The following SPTBN1 variants were observed in gnomAD, a reference collection of about 807,000 sequenced individuals.
The protein encoded by SPTBN1 is spectrin beta, non-erythrocytic 1.
In SPTBN1, 32 loss-of-function variants were observed where a neutral mutation model predicts 266.4. The ratio of observed to expected loss-of-function variants is 0.12; its 90% confidence interval spans 0.09 to 0.16. The LOEUF (loss-of-function observed/expected upper bound fraction) is 0.16, where lower values mean the gene tolerates loss of function less well. SPTBN1 is among the 10% of genes least tolerant of loss of function. The probability of loss-of-function intolerance (pLI) is 1.00; values close to 1 mark genes in which losing one functional copy is unlikely to be tolerated. For synonymous variants in SPTBN1, 1,336 were observed against 1,162.2 expected (o/e 1.15, Z -3.04); for missense variants, 2,296 against 3,067.1 (o/e 0.75, Z 5.94).
chr2:54,619,759 C>T (rs746013411), intron 7 of SPTBN1, among the ~76,000 whole-genome samples: 7 of 152,124 alleles, frequency 4.6e-5, no homozygotes, highest in African/African-American at 9.7e-5. Flanking sequence ...CACACTTTGA[C>T]GGGCTGAGCG....
intron 2 of SPTBN1, among the ~76,000 whole-genome samples, chr2:54,584,399 A>C (rs1675145314): frequency 1.3e-5 from 2 of 152,254 alleles, no homozygotes; most frequent in South Asian, 4.1e-4. Flanking sequence ...TATTTCTAGA[A>C]AACAAATATC....
chr2:54,492,952 C>T (rs1200791304), intron 1 of SPTBN1, among the ~76,000 whole-genome samples: 4 of 151,142 alleles, frequency 2.6e-5, no homozygotes. Context: ...CAGTGTCCAT[C>T]AGAAAATCTA....
chr2:54,471,368 G>C (rs1015918029), intron 1 of SPTBN1, among the ~76,000 whole-genome samples: 31 of 152,160 alleles, frequency 2.0e-4, no homozygotes, highest in Non-Finnish European at 8.8e-5. Context: ...TGGGCAGTAA[G>C]GCATGACATT....
chr2:54,576,074 A>ATTTTTTTTTTTTTTTTTTTTTTT lies in SPTBN1; in HGVS notation c.149-23018_149-23017insTTTTTTTTTTTTTTTTTTTTTTT, dbSNP rs1209132160. 1.1e-3 allele frequency among the ~76,000 whole-genome samples: 107 copies of ATTTTTTTTTTTTTTTTTTTTTTT among 93,840 alleles called. 18 individuals carry two copies. Among genetic ancestry groups the ATTTTTTTTTTTTTTTTTTTTTTT allele is most frequent in the African/African-American group, 2.3e-3 (57 of 24,756 alleles). 61.6% of individuals were successfully genotyped at this position (93,840 alleles called of 152,430 possible). ...ATCCAGCTTTTTTTTTTTTTTTTTG[A>ATTTTTTTTTTTTTTTTTTTTTTT]GAGACAGTCTGGCTGTGTCTCCCAG... On this transcript the variant is annotated intron_variant, in intron 2 of 35. Coordinates refer to ENST00000356805, the MANE Select transcript of SPTBN1 (RefSeq NM_003128.3).
rs766249399 is a variant in SPTBN1 at position 54,664,489 on chromosome 2, G to A, written c.6457G>A (p.Gly2153Ser). The A allele has an allele frequency of 6.2e-7, 1 of 1,613,842 alleles. No homozygotes were observed. The highest frequency in any genetic ancestry group is 8.5e-7 in the Non-Finnish European group (1 of 1,179,800). The change falls in exon 33 of 36, where the codon GGC (glycine) becomes AGC (serine). Residue 2153 changes from glycine (G) to serine (S), a missense_variant. Around this residue, in one of 12 missense-constraint regions of SPTBN1, gnomAD observed 347 missense variants for 368.5 expected, o/e 0.94. Coordinates refer to ENST00000356805, the MANE Select transcript of SPTBN1 (RefSeq NM_003128.3). This position sits in a 1 kb window ranked among gnomAD's most constrained non-coding sequence, Gnocchi z 5.6. ...ETVDTSEMVN[G>S]ATEQRTSSKE... ...GGTGGACACAAGCGAAATGGTCAAC[G>A]GCGCTACAGAACAAAGGACGAGCTC...
Position 54,646,553 on chromosome 2 carries a change from CTG to C in SPTBN1, c.4866+80_4866+81del. On this transcript the variant is annotated intron_variant, in intron 23 of 35. Transcript: ENST00000356805. This position sits in a 1 kb window ranked among gnomAD's most constrained non-coding sequence, Gnocchi z 4.4. ...CTGGGCACACTTTCTGCTGGCGGCTCTGTCTGTATAAAAACTTCCCTTGTAGC... is the reference window on the plus strand; with the variant it reads ...CTGGGCACACTTTCTGCTGGCGGCTCTCTGTATAAAAACTTCCCTTGTAGC... 7.1e-7 allele frequency: 1 copy of C among 1,416,546 alleles called. No homozygotes were observed. The highest frequency in any genetic ancestry group is 9.2e-7 in the Non-Finnish European group (1 of 1,084,072). 87.7% of individuals were successfully genotyped at this position (1,416,546 alleles called of 1,614,324 possible). A position where few individuals can be genotyped will look rare whatever the true frequency, so the allele number is the denominator to read the frequency against.
chr2:54,597,606 C>T (rs996212165), intron 2 of SPTBN1, among the ~76,000 whole-genome samples: 11 of 152,292 alleles, frequency 7.2e-5, no homozygotes, highest in Non-Finnish European at 1.2e-4. Context: ...AGCTGATTCT[C>T]CTGCCAGGTC....
intron 2 of SPTBN1, chr2:54,529,707 G>A: frequency 1.4e-6 from 1 of 715,778 alleles, no homozygotes; most frequent in Non-Finnish European, 2.6e-6. Flanking sequence ...GACATTGATG[G>A]GGCCAAGGTC....
chr2:54,641,121 G>T (rs1679521090), intron 18 of SPTBN1, among the ~76,000 whole-genome samples: 1 of 152,174 alleles, frequency 6.6e-6, no homozygotes, highest in South Asian at 2.1e-4. Flanking sequence ...ATTCTTAAAT[G>T]ACCTTTGTAA....
rs12615914 is a variant in SPTBN1 at position 54,459,899 on chromosome 2, C to G, written c.-48+3381C>G. On this transcript the variant is annotated intron_variant, in intron 1 of 35. Transcript: ENST00000356805. ...GACCTAGTTTAGTACTCTGATTTTT[C>G]CGGTAGCACTTGTAATTATATTTAA... Among the ~76,000 whole-genome samples the G allele has an allele frequency of 2.3e-3, 348 of 152,202 alleles. 1 individual carries two copies. Among genetic ancestry groups the G allele is most frequent in the Admixed American group, 3.9e-3 (59 of 15,270 alleles).
chr2:54,591,633 G>A (rs536741609), intron 2 of SPTBN1, among the ~76,000 whole-genome samples: 1 of 152,066 alleles, frequency 6.6e-6, no homozygotes, highest in South Asian at 2.1e-4. Context: ...TTTTCCATCC[G>A]GAGATGTTCC....
intron 1 of SPTBN1, among the ~76,000 whole-genome samples, chr2:54,467,678 C>A (rs1311107456): frequency 6.6e-6 from 1 of 152,090 alleles, no homozygotes; most frequent in Admixed American, 6.5e-5. Context: ...AGCCACCGCG[C>A]CTGGCCAGGA....
intron 1 of SPTBN1, among the ~76,000 whole-genome samples, chr2:54,468,063 C>G: frequency 6.6e-6 from 1 of 152,116 alleles, no homozygotes; most frequent in East Asian, 1.9e-4. Flanking sequence ...AATGCCAGCA[C>G]TTTGGGAGGC....
intron 1 of SPTBN1, among the ~76,000 whole-genome samples, chr2:54,477,253 T>G (rs977644280): frequency 3.3e-5 from 5 of 152,192 alleles, no homozygotes; most frequent in African/African-American, 1.2e-4. Flanking sequence ...ATGGAAGTTT[T>G]CACTTAAAAT....
Position 54,645,988 on chromosome 2 carries a change from A to G in SPTBN1, c.4555A>G (p.Thr1519Ala). Residue 1519 changes from threonine to alanine, a missense_variant, in exon 22 of 36, where the codon ACT (threonine) becomes GCT (alanine). By Grantham distance (58) the Thr-to-Ala change is moderately conservative. Coordinates refer to ENST00000356805, the MANE Select transcript of SPTBN1 (RefSeq NM_003128.3). This position sits in a 1 kb window ranked among gnomAD's most constrained non-coding sequence, Gnocchi z 4.3. The stretch of plus-strand genomic sequence containing the variant: ...CACGGATCATGGCCACAACCTCCAG[A>G]CTGTGCAGCTGTTAATAAAGAAAAA... ...TSTDHGHNLQ[T>A]VQLLIKKNQT... 6.2e-7 allele frequency: 1 copy of G among 1,614,166 alleles called. No homozygotes were observed. The highest frequency in any genetic ancestry group is 8.5e-7 in the Non-Finnish European group (1 of 1,180,018).
intron 3 of SPTBN1, among the ~76,000 whole-genome samples, chr2:54,602,246 G>C (rs1676543901): frequency 1.3e-5 from 2 of 152,126 alleles, no homozygotes; most frequent in Non-Finnish European, 2.9e-5. Flanking sequence ...CTTTAACATT[G>C]GATTGGCAGA....
At chr2:54,625,830 A>G in intron 11 of SPTBN1, 102 bp from the exon 12 acceptor site, 1 of 1,300,628 alleles carries the variant, frequency 7.7e-7, no homozygotes, top group Non-Finnish European at 1.1e-6. Flanking sequence ...ACCTCAAGTG[A>G]TCTGCCCGCC....
chr2:54,557,593 G>A (rs145218478), intron 2 of SPTBN1: 4 of 417,820 alleles, frequency 9.6e-6, no homozygotes, highest in African/African-American at 8.6e-5. Context: ...GTAGGAATTT[G>A]AGGGTAGTTT....
chr2:54,644,510 G>T lies in SPTBN1; in HGVS notation c.4193G>T (p.Gly1398Val), dbSNP rs937722745. 1 of 1,614,206 alleles carries T rather than the reference G, an allele frequency of 6.2e-7. No individual in the cohort carries two copies. ...GCAGATCTAGACAAATGGCTGCACG[G>T]CCTGGAGAGTCAGATTCAGTCTGAT... ...SCADLDKWLHGLESQIQSDDY... is the reference protein window; with the variant it reads ...SCADLDKWLHVLESQIQSDDY... The change falls in exon 20 of 36, where the codon GGC becomes GTC. Residue 1398 changes from glycine to valine, a missense_variant. This residue lies in a region of SPTBN1 where 386 missense variants were observed against 486.1 expected (regional missense o/e 0.79). Transcript: ENST00000356805.
Sources: allele counts gnomAD v4.1 joint callset (sites outside exome capture counted in the v4.1 genomes callset), GRCh38; gene constraint gnomAD v4.1.1; regional missense constraint gnomAD v4.1.1; non-coding constraint Gnocchi (gnomAD v3.1); transcripts MANE v1.5; gene names NCBI Gene and HGNC (gene_info 2026-07-23, HGNC 2026-07-21).